Variants in TBP observed in about 807,000 individuals in gnomAD.
TBP encodes the protein TATA-box binding protein.
TBP carries 12 observed loss-of-function variants against 46.2 expected under a neutral mutation model. The ratio of observed to expected loss-of-function variants is 0.26; its 90% confidence interval spans 0.17 to 0.42. The LOEUF (loss-of-function observed/expected upper bound fraction) is 0.42. Among genes scored for constraint, TBP ranks in the 10% least tolerant of loss-of-function variants. TBP has a pLI of 1.00. For synonymous variants in TBP, 157 were observed against 148.3 expected (o/e 1.06, Z -0.42); for missense variants, 229 against 403.1 (o/e 0.57, Z 3.70).
At chr6:170,568,341 A>G (rs1779303324) in intron 5 of TBP, among the ~76,000 whole-genome samples, 1 of 152,174 alleles carries the variant, frequency 6.6e-6, no homozygotes, top group African/African-American at 2.4e-5. Context: ...AGAAACCACC[A>G]ATACATTTAC....
intron 2 of TBP, 49 bp downstream of exon 2, chr6:170,557,132 A>G (rs746177895): frequency 6.5e-7 from 1 of 1,540,328 alleles, no homozygotes; most frequent in South Asian, 1.1e-5. Context: ...TCTGAACTGC[A>G]AGAGATGGTA....
At chr6:170,561,506 GGCCT>G (rs1779138085) in intron 2 of TBP, among the ~76,000 whole-genome samples, 1 of 151,876 alleles carries the variant, frequency 6.6e-6, no homozygotes, top group African/African-American at 2.4e-5. Context: ...TTCCCAGTCT[GGCCT>G]GCCTTTTAAT....
Position 170,561,882 on chromosome 6 carries a change from T to G in TBP, c.146T>G (p.Leu49Arg). The change falls in exon 3 of 8, where the codon CTG becomes CGG. Residue 49 changes from leucine to arginine, a missense_variant. Physicochemically the swap from Leu to Arg is moderately radical, Grantham distance 102. Transcript: ENST00000392092. ...TPQPIQNTNS[L>R]SILEEQQRQQ... Reference sequence around the variant, plus strand: ...CAGCCTATTCAGAACACCAATAGTCTGTCTATTTTGGAAGAGCAACAAAGG... The same window carrying G: ...CAGCCTATTCAGAACACCAATAGTCGGTCTATTTTGGAAGAGCAACAAAGG... 1.2e-6 allele frequency: 2 copies of G among 1,613,834 alleles called. No homozygotes were observed. The highest frequency in any genetic ancestry group is 2.2e-5 in the East Asian group (1 of 44,864).
rs369153787 is a variant in TBP at position 170,572,643 on chromosome 6, CCA to C, written c.*381_*382del. 425 of 187,848 alleles carry C rather than the reference CCA, an allele frequency of 2.3e-3. 2 individuals are homozygous for C. Among genetic ancestry groups the C allele is most frequent in the African/African-American group, 9.3e-3 (399 of 42,740 alleles). 11.6% of individuals were successfully genotyped at this position (187,848 alleles called of 1,614,324 possible). On this transcript the variant is annotated 3_prime_UTR_variant, in exon 8 of 8. Coordinates refer to ENST00000392092, the MANE Select transcript of TBP (RefSeq NM_003194.5). ...TAATTTTAATGTTTTTCCCCATGAA[CCA>C]CAGTTTTTATATTTCTACCAGAAAA...
rs1311674991 is a variant in TBP at position 170,572,130 on chromosome 6, A to G, written c.941-56A>G. 9.7e-6 allele frequency: 13 copies of G among 1,342,912 alleles called. No individual in the cohort carries two copies. In the East Asian group the frequency reaches 1.4e-4, roughly 14 times the overall value. 83.2% of individuals were successfully genotyped at this position (1,342,912 alleles called of 1,614,324 possible). ...TTAAGGTAAGAATTTTACCATCTTAATATGTTAAGAAGTGCCATTTCAGTC... is the reference window on the plus strand; with the variant it reads ...TTAAGGTAAGAATTTTACCATCTTAGTATGTTAAGAAGTGCCATTTCAGTC... On this transcript the variant is annotated intron_variant, in intron 7 of 7. Transcript: ENST00000392092.
chr6:170,566,681 A>G (rs1012587099), intron 4 of TBP, among the ~76,000 whole-genome samples: 3 of 152,250 alleles, frequency 2.0e-5, no homozygotes, highest in Non-Finnish European at 4.4e-5. Flanking sequence ...GAACATACAG[A>G]TTTGGTATAA....
chr6:170,562,688 A>G lies in TBP; in HGVS notation c.497+455A>G, dbSNP rs557849728. ...CTTTGAAGGTCTGTGTCCTTCCCAC[A>G]AAATGAAGACGACTGTTTTTGTCAT... On this transcript the variant is annotated intron_variant, in intron 3 of 7. Coordinates refer to ENST00000392092, the MANE Select transcript of TBP (RefSeq NM_003194.5). 2.6e-5 allele frequency among the ~76,000 whole-genome samples: 4 copies of G among 152,342 alleles called. No individual in the cohort carries two copies. In the East Asian group the frequency reaches 5.8e-4, roughly 22 times the overall value.
chr6:170,554,926 C>G (rs1358147967), intron 1 of TBP, among the ~76,000 whole-genome samples: 2 of 152,148 alleles, frequency 1.3e-5, no homozygotes, highest in Non-Finnish European at 2.9e-5. Flanking sequence ...ATAATACACA[C>G]CACTTTATTT....
intron 2 of TBP, among the ~76,000 whole-genome samples, chr6:170,558,332 A>G (rs1480575151): frequency 6.6e-6 from 1 of 152,220 alleles, no homozygotes; most frequent in Admixed American, 6.5e-5. Flanking sequence ...AAGTTGCTCC[A>G]CATCCTCACC....
At chr6:170,558,495 T>C (rs574313609) in intron 2 of TBP, among the ~76,000 whole-genome samples, 2 of 152,134 alleles carry the variant, frequency 1.3e-5, no homozygotes, top group East Asian at 1.9e-4. Flanking sequence ...CACCTCACTT[T>C]ACTGCACTTC....
In TBP at chr6:170,572,491, CCGTGCTG is replaced by C. The variant is rs1179106579; in HGVS notation, c.*228_*234del. Reference sequence around the variant, plus strand: ...GCAGCGTGACTGTGAGTTGCTCATACCGTGCTGCTATCTGGGCAGCGCTGCCCATTTA... The same window carrying C: ...GCAGCGTGACTGTGAGTTGCTCATACCTATCTGGGCAGCGCTGCCCATTTA... On this transcript the variant is annotated 3_prime_UTR_variant, in exon 8 of 8. Transcript: ENST00000392092. 3.5e-4 allele frequency: 200 copies of C among 569,362 alleles called. No homozygotes were observed. The East Asian group carries it at 5.7e-3, about 16-fold the overall frequency. The allele number at this position is 569,362 out of a possible 1,614,324, so 35.3% of individuals were successfully genotyped here.
chr6:170,571,239 C>T (rs180773583), intron 6 of TBP, among the ~76,000 whole-genome samples, 171 bp from the exon 7 acceptor site: 3 of 152,292 alleles, frequency 2.0e-5, no homozygotes, highest in East Asian at 3.9e-4. Context: ...GACTACAAGT[C>T]GGCCTCACTT....
chr6:170,564,541 A>C lies in TBP; in HGVS notation c.498-4A>C. 1.9e-6 allele frequency: 3 copies of C among 1,590,534 alleles called. No homozygotes were observed. The South Asian group carries it at 3.5e-5, about 18-fold the overall frequency. ...GTCGTGTTTTCTTTTTAAATCTCTT[A>C]CAGAAATATTGTATCCACAGTGAAT... On this transcript the variant is annotated splice_region_variant and splice_polypyrimidine_tract_variant and intron_variant, in intron 3 of 7. Transcript: ENST00000392092.
chr6:170,567,149 AATT>A (rs1274315265), intron 5 of TBP, 140 bp downstream of exon 5: 2 of 324,774 alleles, frequency 6.2e-6, no homozygotes, highest in South Asian at 2.5e-4. Context: ...TGATTCTATT[AATT>A]ATTTTTATTT....
chr6:170,556,736 T>C (rs974693920), intron 1 of TBP, 146 bp from the exon 2 acceptor site: 3 of 266,436 alleles, frequency 1.1e-5, no homozygotes, highest in Admixed American at 1.0e-4. Context: ...AATAAAACTT[T>C]AGGATTATAA....
At chr6:170,568,426 C>T (rs1417667154) in intron 5 of TBP, among the ~76,000 whole-genome samples, 1 of 150,054 alleles carries the variant, frequency 6.7e-6, no homozygotes, top group Admixed American at 6.7e-5. Context: ...CTGATAGTCT[C>T]TTTATGGTAA....
intron 2 of TBP, among the ~76,000 whole-genome samples, chr6:170,557,393 T>G (rs1240500012): frequency 6.6e-6 from 1 of 152,192 alleles, no homozygotes; most frequent in African/African-American, 2.4e-5. Flanking sequence ...TTTTCTAGTT[T>G]TATTTTTCCC....
At chr6:170,566,818 C>G (rs1346635427) in intron 4 of TBP, 100 bp from the exon 5 acceptor site, 1 of 879,184 alleles carries the variant, frequency 1.1e-6, no homozygotes, top group East Asian at 2.6e-5. Context: ...TGTACTATGT[C>G]CTTCCTACCA....
chr6:170,569,888 A>G, intron 6 of TBP, 109 bp downstream of exon 6: 1 of 1,048,794 alleles, frequency 9.5e-7, no homozygotes, highest in Non-Finnish European at 1.4e-6. Flanking sequence ...AACAGTTGAC[A>G]TGGTTATAGT....
Sources: gnomAD v4.1 joint callset for allele counts (sites outside exome capture counted in the v4.1 genomes callset) on GRCh38, gnomAD v4.1.1 for gene constraint, MANE v1.5 for transcripts, NCBI Gene and HGNC (gene_info 2026-07-23, HGNC 2026-07-21) for gene names.